Variants in MYRFL observed in about 807,000 individuals in gnomAD.
MYRFL encodes myelin regulatory factor like, also known as myelin regulatory factor-like protein.
Under a neutral mutation model 109.4 loss-of-function variants are expected in MYRFL, and 88 were observed. That is an observed-to-expected ratio of 0.80 (90% CI 0.68 to 0.96). MYRFL has a LOEUF of 0.96. Among genes scored for constraint, MYRFL ranks in the 40% least tolerant of loss-of-function variants. The pLI is 0.00. For missense variants in MYRFL, 957 were observed against 954.9 expected, an observed-to-expected ratio of 1.00 and a Z score of -0.03; for synonymous variants, 324 against 320.9, an observed-to-expected ratio of 1.01 and a Z score of -0.10.
At chr12:69,894,827 C>T (rs1953929916) in intron 8 of MYRFL, among the ~76,000 whole-genome samples, 1 of 152,174 alleles carries the variant, frequency 6.6e-6, no homozygotes, top group Non-Finnish European at 1.5e-5. Context: ...ATTTCATGGC[C>T]TGGACAGTCC....
At position 69,926,932 on chromosome 12, in the gene MYRFL, G is replaced by GTTTTT. The variant is rs1336716063; in HGVS notation, c.1766+198_1766+199insTTTTT. On this transcript the variant is annotated intron_variant, in intron 14 of 24. Transcript: ENST00000552032. ...ACTTTCTTAGTTTTTTTCTGTTGCTGGTTTTTTTTTTTTTTTTTTTTTTTT... is the reference window on the plus strand; with the variant it reads ...ACTTTCTTAGTTTTTTTCTGTTGCTGTTTTTGTTTTTTTTTTTTTTTTTTTTTTTT... 6.2e-3 allele frequency among the ~76,000 whole-genome samples: 476 copies of GTTTTT among 76,844 alleles called. 178 individuals are homozygous for GTTTTT. The highest frequency in any genetic ancestry group is 9.2e-3 in the Non-Finnish European group (360 of 39,074). 50.4% of individuals were successfully genotyped at this position (76,844 alleles called of 152,430 possible).
rs531764050 is a variant in MYRFL at position 69,882,523 on chromosome 12, T to C, written c.556+2231T>C. Among the ~76,000 whole-genome samples the C allele has an allele frequency of 6.0e-4, 92 of 152,298 alleles. 1 individual carries two copies. Among genetic ancestry groups the C allele is most frequent in the African/African-American group, 2.1e-3 (87 of 41,554 alleles). On this transcript the variant is annotated intron_variant, in intron 5 of 24. Transcript: ENST00000552032. Reference sequence around the variant, plus strand: ...GTCTTACAGGCAGAAGGATCACCAATTTTTGATCAGAGATGGCCTGAGTCA... The same window carrying C: ...GTCTTACAGGCAGAAGGATCACCAACTTTTGATCAGAGATGGCCTGAGTCA...
intron 6 of MYRFL, among the ~76,000 whole-genome samples, 197 bp downstream of exon 6, chr12:69,887,167 C>G (rs1311357568): frequency 4.6e-5 from 7 of 152,116 alleles, no homozygotes; most frequent in African/African-American, 1.7e-4. Context: ...TTCAGAAAGC[C>G]AGACTTATAG....
At chr12:69,916,040 G>T (rs1372065987) in intron 13 of MYRFL, among the ~76,000 whole-genome samples, 2 of 151,794 alleles carry the variant, frequency 1.3e-5, no homozygotes, top group Non-Finnish European at 2.9e-5. Flanking sequence ...ATTTAAGATT[G>T]CATGCTGTAC....
intron 20 of MYRFL, among the ~76,000 whole-genome samples, 197 bp from the exon 21 acceptor site, chr12:69,952,602 A>G (rs1266826181): frequency 6.6e-6 from 1 of 152,160 alleles, no homozygotes; most frequent in Non-Finnish European, 1.5e-5. Context: ...AGTTTTTCTA[A>G]TAGGTACTAT....
chr12:69,926,643 A>C lies in MYRFL; in HGVS notation c.1675A>C (p.Ile559Leu). 2 of 1,531,076 alleles carry C rather than the reference A, an allele frequency of 1.3e-6. No individual in the cohort carries two copies. Among genetic ancestry groups the C allele is most frequent in the Non-Finnish European group, 1.7e-6 (2 of 1,143,952 alleles). The allele number at this position is 1,531,076 out of a possible 1,614,324, so 94.8% of individuals were successfully genotyped here. A position where few individuals can be genotyped will look rare whatever the true frequency, so the allele number is the denominator to read the frequency against. Residue 559 changes from isoleucine to leucine, a missense_variant, in exon 14 of 25, where the codon ATA (isoleucine) becomes CTA (leucine). Physicochemically the swap from Ile to Leu is conservative, Grantham distance 5 (BLOSUM62 2). Coordinates refer to ENST00000552032, the MANE Select transcript of MYRFL (RefSeq NM_182530.3). ...ACTAACTAACAACCTTGAGGAAAGAATAGAAGAGTTAGAAATATGGAACAG... is the reference window on the plus strand; with the variant it reads ...ACTAACTAACAACCTTGAGGAAAGACTAGAAGAGTTAGAAATATGGAACAG... ...CKLTNNLEER[I>L]EELEIWNRKL...
At chr12:69,838,212 G>A (rs894498976) in intron 1 of MYRFL, among the ~76,000 whole-genome samples, 1 of 152,136 alleles carries the variant, frequency 6.6e-6, no homozygotes, top group Admixed American at 6.5e-5. Flanking sequence ...TGCAGTGTCA[G>A]CCCAGGGGAC....
intron 1 of MYRFL, among the ~76,000 whole-genome samples, chr12:69,836,816 A>G (rs564167998): frequency 2.6e-5 from 4 of 152,328 alleles, no homozygotes; most frequent in South Asian, 2.1e-4. Flanking sequence ...CTGTGAAACA[A>G]TGCTCAGGAC....
chr12:69,885,381 A>T (rs1350515567), intron 5 of MYRFL, among the ~76,000 whole-genome samples: 1 of 152,144 alleles, frequency 6.6e-6, no homozygotes, highest in Non-Finnish European at 1.5e-5. Context: ...TATTTTAGGA[A>T]GTCCTCAATG....
intron 1 of MYRFL, among the ~76,000 whole-genome samples, chr12:69,828,439 A>G (rs996429930): frequency 6.6e-6 from 1 of 152,068 alleles, no homozygotes; most frequent in African/African-American, 2.4e-5. Context: ...TGGTCCCTTC[A>G]TTAATTAAGT....
intron 1 of MYRFL, among the ~76,000 whole-genome samples, chr12:69,845,653 G>A (rs548548399): frequency 1.3e-5 from 2 of 152,200 alleles, no homozygotes; most frequent in African/African-American, 2.4e-5. Context: ...GGGATAGAAA[G>A]CAGAACTATT....
At chr12:69,896,690 C>G (rs1954005026) in intron 9 of MYRFL, among the ~76,000 whole-genome samples, 2 of 152,184 alleles carry the variant, frequency 1.3e-5, no homozygotes, top group Admixed American at 6.5e-5. Flanking sequence ...TGGGGCAGAC[C>G]CTAGGAGTCA....
At chr12:69,868,006 T>C (rs1272951) in intron 2 of MYRFL, among the ~76,000 whole-genome samples, 37,865 of 152,110 alleles carry the variant, frequency 0.25, 5,474 homozygotes, top group Middle Eastern at 0.39. Flanking sequence ...ATTTAGAGGA[T>C]AAACTCTGGT....
chr12:69,917,254 C>G (rs1287185705), intron 13 of MYRFL, among the ~76,000 whole-genome samples: 1 of 152,170 alleles, frequency 6.6e-6, no homozygotes, highest in African/African-American at 2.4e-5. Flanking sequence ...TAAAAAGGGG[C>G]CTCCTCTGGC....
chr12:69,868,188 C>T (rs1885123433), intron 2 of MYRFL, among the ~76,000 whole-genome samples: 2 of 151,476 alleles, frequency 1.3e-5, no homozygotes, highest in Admixed American at 6.6e-5. Flanking sequence ...CTCACTGCAG[C>T]CTCCACCTGC....
At chr12:69,832,494 A>G (rs1281358469) in intron 1 of MYRFL, among the ~76,000 whole-genome samples, 1 of 152,160 alleles carries the variant, frequency 6.6e-6, no homozygotes, top group African/African-American at 2.4e-5. Flanking sequence ...ATAAAACCGG[A>G]TGGTGGTGCA....
In MYRFL at chr12:69,903,749, G is replaced by A. The variant is rs1954264293; in HGVS notation, c.1288G>A (p.Ala430Thr). The change falls in exon 11 of 25, where the codon GCG becomes ACG. Residue 430 changes from alanine (A) to threonine (T), a missense_variant. Physicochemically the swap from Ala to Thr is moderately conservative, Grantham distance 58 (BLOSUM62 0). Coordinates refer to ENST00000552032, the MANE Select transcript of MYRFL (RefSeq NM_182530.3). Reference protein sequence around the residue: ...CHGRVGINTDAPDEALVVCGN... With the variant: ...CHGRVGINTDTPDEALVVCGN... ...CGGTCGAGTAGGAATCAACACAGATGCGCCGGACGAAGCCCTGGTTGTCTG... is the reference window on the plus strand; with the variant it reads ...CGGTCGAGTAGGAATCAACACAGATACGCCGGACGAAGCCCTGGTTGTCTG... 6.5e-7 allele frequency: 1 copy of A among 1,535,834 alleles called. No homozygotes were observed. The highest frequency in any genetic ancestry group is 8.7e-7 in the Non-Finnish European group (1 of 1,146,678).
intron 13 of MYRFL, among the ~76,000 whole-genome samples, chr12:69,926,117 CTTTTTT>C (rs147973443): frequency 8.2e-5 from 7 of 84,852 alleles, no homozygotes; most frequent in Non-Finnish European, 1.1e-4. Flanking sequence ...TCTTCTTCTT[CTTTTTT>C]TTTTTTTTTT....
chr12:69,958,429 T>A lies in MYRFL; in HGVS notation c.2647-16T>A, dbSNP rs1300300571. ...TTACATTAATCTTCCTTTTTTTTTT[T>A]CTCCTTTTCTGACAGGATTTAGCTG... On this transcript the variant is annotated splice_polypyrimidine_tract_variant and intron_variant, in intron 24 of 24. Transcript: ENST00000552032. 6.7e-7 allele frequency: 1 copy of A among 1,502,216 alleles called. No homozygotes were observed. Among genetic ancestry groups the A allele is most frequent in the Non-Finnish European group, 8.9e-7 (1 of 1,128,238 alleles). 93.1% of individuals were successfully genotyped at this position (1,502,216 alleles called of 1,614,324 possible). A position where few individuals can be genotyped will look rare whatever the true frequency, so the allele number is the denominator to read the frequency against.
Sources: allele counts gnomAD v4.1 joint callset (sites outside exome capture counted in the v4.1 genomes callset), GRCh38; gene constraint gnomAD v4.1.1; transcripts MANE v1.5; gene names NCBI Gene and HGNC (gene_info 2026-07-23, HGNC 2026-07-21).